NTM: variants seen among roughly 807,000 people sequenced by gnomAD.
The protein encoded by NTM is IgLON family member 2.
A neutral mutation model predicts 42.1 loss-of-function variants in NTM; 13 were observed. The observed-to-expected ratio is 0.31, with a 90% CI of 0.20 to 0.49. The LOEUF (loss-of-function observed/expected upper bound fraction) is 0.49, where lower values mean the gene tolerates loss of function less well. NTM is among the 20% of genes least tolerant of loss of function. The pLI is 0.99. For synonymous variants in NTM, 187 were observed against 179.2 expected, an observed-to-expected ratio of 1.04 and a Z score of -0.35; for missense variants, 373 against 452.8, an observed-to-expected ratio of 0.82 and a Z score of 1.60.
intron 1 of NTM, among the ~76,000 whole-genome samples, chr11:131,471,932 T>A (rs1306989974): frequency 6.6e-6 from 1 of 152,174 alleles, no homozygotes; most frequent in Non-Finnish European, 1.5e-5. Flanking sequence ...AATTTGCTTA[T>A]GGGAGAGATT....
intron 6 of NTM, among the ~76,000 whole-genome samples, chr11:132,311,335 G>GTGTT (rs1024042989): frequency 1.3e-5 from 2 of 152,078 alleles, no homozygotes; most frequent in Non-Finnish European, 2.9e-5. Flanking sequence ...ATGAAAAGCA[G>GTGTT]TGTTTTGTTT....
intron 2 of NTM, among the ~76,000 whole-genome samples, chr11:132,095,507 G>T (rs2060864047): frequency 6.6e-6 from 1 of 152,182 alleles, no homozygotes; most frequent in Non-Finnish European, 1.5e-5. Context: ...AGACTTGAAA[G>T]CCCTGAACTG....
chr11:131,598,052 G>C (rs545197201), intron 1 of NTM, among the ~76,000 whole-genome samples: 1 of 152,308 alleles, frequency 6.6e-6, no homozygotes, highest in East Asian at 1.9e-4. Flanking sequence ...GCTCCTTCAG[G>C]CTCCATGGAG....
intron 2 of NTM, among the ~76,000 whole-genome samples, chr11:131,986,550 C>A (rs1254607780): frequency 6.6e-6 from 1 of 152,208 alleles, no homozygotes; most frequent in Admixed American, 6.5e-5. Flanking sequence ...CATTTATACA[C>A]AACTCACCAG....
At chr11:131,858,451 C>T (rs2136927618) in intron 1 of NTM, among the ~76,000 whole-genome samples, 1 of 152,230 alleles carries the variant, frequency 6.6e-6, no homozygotes, top group South Asian at 2.1e-4. Context: ...TCTCCGTCTT[C>T]TACTAAAGAA....
chr11:131,996,566 A>T (rs1853135425), intron 2 of NTM, among the ~76,000 whole-genome samples: 1 of 152,170 alleles, frequency 6.6e-6, no homozygotes, highest in African/African-American at 2.4e-5. Context: ...TCCTTAGAGC[A>T]GCCATATGAG....
intron 2 of NTM, among the ~76,000 whole-genome samples, chr11:132,000,632 A>T (rs140938448): frequency 6.6e-6 from 1 of 152,318 alleles, no homozygotes; most frequent in African/African-American, 2.4e-5. Flanking sequence ...TCAGACATTT[A>T]TAAAAGTCTG....
chr11:132,101,437 T>A (rs1374084013), intron 2 of NTM, among the ~76,000 whole-genome samples: 1 of 152,148 alleles, frequency 6.6e-6, no homozygotes, highest in Non-Finnish European at 1.5e-5. Flanking sequence ...TGGGTGGAAG[T>A]TACACAAAGA....
chr11:131,634,056 T>C (rs752969973), intron 1 of NTM, among the ~76,000 whole-genome samples: 31 of 152,072 alleles, frequency 2.0e-4, no homozygotes, highest in South Asian at 2.1e-4. Flanking sequence ...AAAACCCCCT[T>C]GTGAGCTGTT....
intron 1 of NTM, among the ~76,000 whole-genome samples, chr11:131,886,238 G>A (rs1207012466): frequency 1.3e-5 from 2 of 152,102 alleles, no homozygotes; most frequent in East Asian, 3.9e-4. Flanking sequence ...GTTTGTAATG[G>A]TTCACGCCAT....
intron 1 of NTM, among the ~76,000 whole-genome samples, chr11:131,524,929 C>T (rs2050246851): frequency 6.6e-6 from 1 of 152,198 alleles, no homozygotes; most frequent in East Asian, 1.9e-4. Context: ...TGCCTAATGG[C>T]ACTGTCATGA....
intron 1 of NTM, among the ~76,000 whole-genome samples, chr11:131,819,453 C>T (rs1051045887): frequency 1.3e-5 from 2 of 152,186 alleles, no homozygotes; most frequent in African/African-American, 4.8e-5. Context: ...CTCACTCATT[C>T]ACTCATTCAT....
intron 2 of NTM, among the ~76,000 whole-genome samples, chr11:132,095,909 G>A (rs996445243): frequency 3.9e-5 from 6 of 152,302 alleles, no homozygotes; most frequent in South Asian, 4.1e-4. Context: ...GACTCTTCTC[G>A]TGTGTCAGCT....
At chr11:131,796,007 C>T in intron 1 of NTM, 1 of 985,272 alleles carries the variant, frequency 1.0e-6, no homozygotes. Flanking sequence ...AAGTTGTGTG[C>T]AGGGGCAATC....
chr11:131,588,364 A>G (rs1162109720), intron 1 of NTM, among the ~76,000 whole-genome samples: 1 of 152,252 alleles, frequency 6.6e-6, no homozygotes, highest in Non-Finnish European at 1.5e-5. Context: ...TTTGAAAGTG[A>G]CATCACATTA....
At chr11:131,733,475 C>T (rs377154479) in intron 1 of NTM, among the ~76,000 whole-genome samples, 1,745 of 133,028 alleles carry the variant, frequency 0.013, 20 homozygotes, top group South Asian at 0.033. Context: ...TCCTTCCTTC[C>T]TTCCTTCCTT....
chr11:131,458,524 A>G (rs1951102414), intron 1 of NTM, among the ~76,000 whole-genome samples: 1 of 152,064 alleles, frequency 6.6e-6, no homozygotes, highest in African/African-American at 2.4e-5. Flanking sequence ...CTCCCTACCC[A>G]ACTGGACTGA....
intron 1 of NTM, among the ~76,000 whole-genome samples, chr11:131,614,129 C>T (rs996228977): frequency 1.3e-5 from 2 of 152,180 alleles, no homozygotes; most frequent in Admixed American, 6.5e-5. Context: ...GGGCTACCGA[C>T]AGCCTTGAAC....
intron 7 of NTM, among the ~76,000 whole-genome samples, chr11:132,318,835 G>A (rs2095495081): frequency 6.6e-6 from 1 of 152,100 alleles, no homozygotes; most frequent in East Asian, 1.9e-4. Flanking sequence ...ATCAGAGGAT[G>A]GCTGTAGACT....
Sources: allele counts gnomAD v4.1 joint callset (sites outside exome capture counted in the v4.1 genomes callset), GRCh38; gene constraint gnomAD v4.1.1; transcripts MANE v1.5; gene names NCBI Gene and HGNC (gene_info 2026-07-23, HGNC 2026-07-21).